Variants in OPN3 observed in about 807,000 individuals in gnomAD.
The protein encoded by OPN3 is opsin-3.
In OPN3, 29 loss-of-function variants were observed where a neutral mutation model predicts 33.8. The ratio of observed to expected loss-of-function variants is 0.86; its 90% CI spans 0.64 to 1.17. OPN3 has a LOEUF of 1.17. OPN3 is among the 50% of genes most tolerant of loss of function. The pLI is 0.00. For missense variants in OPN3, 437 were observed against 514.1 expected (o/e 0.85, Z 1.45); for synonymous variants, 216 against 216.1 (o/e 1.00, Z 0.00).
intron 1 of OPN3, chr1:241,639,314 G>T (rs1326422047): frequency 6.6e-6 from 1 of 152,196 alleles, no homozygotes; most frequent in African/African-American, 2.4e-5. Context: ...GGACCTGAAT[G>T]AAACTGTCTC....
chr1:241,633,245 C>T (rs1262265558), intron 1 of OPN3: 1 of 155,322 alleles, frequency 6.4e-6, no homozygotes, highest in East Asian at 1.9e-4. Context: ...AATCTTTAAA[C>T]GATTATAGAC....
intron 1 of OPN3, among the ~76,000 whole-genome samples, chr1:241,626,297 G>A (rs1573963289): frequency 6.6e-6 from 1 of 152,296 alleles, no homozygotes; most frequent in African/African-American, 2.4e-5. Context: ...TTAGCAAATC[G>A]TTGCGGGGGG....
Position 241,629,179 on chromosome 1 carries a change from G to A in OPN3, c.373+10703C>T, listed in dbSNP as rs144503304. 4 of 152,338 alleles carry A rather than the reference G, an allele frequency of 2.6e-5. No individual in the cohort carries two copies. In the East Asian group the frequency reaches 7.7e-4, roughly 29 times the overall value. The allele number at this position is 152,338 out of a possible 1,614,324, so 9.4% of individuals were successfully genotyped here. On this transcript the variant is annotated intron_variant, in intron 1 of 3. Transcript: ENST00000366554. The stretch of plus-strand genomic sequence containing the variant: ...TTTTTTCCCCCTTAAAGTTATCTGA[G>A]TGGAACTGCTAGAAAACTTTGTACA...
chr1:241,594,865 G>A (rs1663451702), intron 3 of OPN3, 174 bp from the exon 4 acceptor site: 2 of 646,286 alleles, frequency 3.1e-6, no homozygotes, highest in Admixed American at 3.0e-5. Context: ...AGAGCTTTAT[G>A]TCTTTTATTC....
chr1:241,609,800 T>C (rs1663939638), intron 1 of OPN3, among the ~76,000 whole-genome samples: 1 of 152,198 alleles, frequency 6.6e-6, no homozygotes, highest in South Asian at 2.1e-4. Context: ...CCTTGAATTA[T>C]TGCAAGAGTG....
chr1:241,613,779 A>G (rs905788907), intron 1 of OPN3, among the ~76,000 whole-genome samples: 3 of 152,142 alleles, frequency 2.0e-5, no homozygotes, highest in Admixed American at 1.3e-4. Context: ...TTAAATTTTC[A>G]TGTTCAGTAG....
intron 1 of OPN3, among the ~76,000 whole-genome samples, chr1:241,622,986 A>G (rs959245361): frequency 6.6e-6 from 1 of 152,146 alleles, no homozygotes; most frequent in Non-Finnish European, 1.5e-5. Flanking sequence ...CTCCCTGGCA[A>G]TCAAAGTACT....
At chr1:241,617,061 A>G (rs1336575452) in intron 1 of OPN3, among the ~76,000 whole-genome samples, 1 of 152,212 alleles carries the variant, frequency 6.6e-6, no homozygotes, top group East Asian at 1.9e-4. Context: ...ATAATTTTCA[A>G]AGTACTTTTT....
intron 1 of OPN3, chr1:241,633,730 C>T: frequency 6.5e-7 from 1 of 1,549,006 alleles, no homozygotes; most frequent in South Asian, 1.2e-5. Context: ...GGGAAACTGT[C>T]CTTTAAATGA....
At chr1:241,624,434 C>T (rs1445831327) in intron 1 of OPN3, among the ~76,000 whole-genome samples, 1 of 152,206 alleles carries the variant, frequency 6.6e-6, no homozygotes, top group Non-Finnish European at 1.5e-5. Flanking sequence ...CCTTCTCAAC[C>T]ATAAGGGCCA....
At chr1:241,599,168 A>G (rs1323427954) in intron 2 of OPN3, among the ~76,000 whole-genome samples, 1 of 152,094 alleles carries the variant, frequency 6.6e-6, no homozygotes, top group Non-Finnish European at 1.5e-5. Context: ...GAGAAATAGG[A>G]AAAATTTAAA....
intron 1 of OPN3, among the ~76,000 whole-genome samples, chr1:241,621,578 G>A (rs1037494266): frequency 2.0e-5 from 3 of 152,080 alleles, no homozygotes; most frequent in African/African-American, 7.2e-5. Context: ...TCTACTACCT[G>A]GTACTGGGGT....
chr1:241,617,273 C>A (rs996735617), intron 1 of OPN3, among the ~76,000 whole-genome samples: 5 of 152,172 alleles, frequency 3.3e-5, no homozygotes, highest in African/African-American at 1.2e-4. Context: ...AAAAAGATTA[C>A]ACAAAGCAAG....
chr1:241,627,253 A>T (rs766002998), intron 1 of OPN3, among the ~76,000 whole-genome samples: 1 of 152,066 alleles, frequency 6.6e-6, no homozygotes, highest in African/African-American at 2.4e-5. Context: ...ACTGTAATTT[A>T]TAGGATTATT....
At chr1:241,598,122 A>T in intron 2 of OPN3, 125 bp from the exon 3 acceptor site, 3 of 1,090,910 alleles carry the variant, frequency 2.7e-6, no homozygotes, top group Non-Finnish European at 3.8e-6. Context: ...ACTGAATGGC[A>T]CCTTGGCAGG....
chr1:241,634,680 A>G, intron 1 of OPN3: 1 of 1,614,030 alleles, frequency 6.2e-7, no homozygotes, highest in Non-Finnish European at 8.5e-7. Flanking sequence ...CACTGAAGGA[A>G]GTTTTTAGTT....
chr1:241,610,088 C>T (rs75557924), intron 1 of OPN3, among the ~76,000 whole-genome samples: 4,862 of 152,306 alleles, frequency 0.032, 116 homozygotes, highest in Non-Finnish European at 0.043. Flanking sequence ...TACCCCCCAG[C>T]GGTTTTGAAG....
chr1:241,633,599 T>C, intron 1 of OPN3: 1 of 625,176 alleles, frequency 1.6e-6, no homozygotes, highest in Non-Finnish European at 2.7e-6. Flanking sequence ...AACAAAATGT[T>C]CAATAATCAA....
At chr1:241,626,065 TG>T (rs1664411863) in intron 1 of OPN3, among the ~76,000 whole-genome samples, 1 of 152,226 alleles carries the variant, frequency 6.6e-6, no homozygotes, top group Admixed American at 6.5e-5. Flanking sequence ...TATATCTAAA[TG>T]TGTACTATTT....
Sources: gnomAD v4.1 joint callset for allele counts (sites outside exome capture counted in the v4.1 genomes callset) on GRCh38, gnomAD v4.1.1 for gene constraint, MANE v1.5 for transcripts, NCBI Gene and HGNC (gene_info 2026-07-23, HGNC 2026-07-21) for gene names.